The following CDHR1 variants were observed in gnomAD, a reference collection of about 807,000 sequenced individuals.
CDHR1 encodes cadherin-related family member 1.
CDHR1 carries 61 observed loss-of-function variants against 72.1 expected under a neutral mutation model. The observed-to-expected ratio is 0.85, with a 90% CI of 0.69 to 1.05. The LOEUF (loss-of-function observed/expected upper bound fraction) is 1.05, where lower values mean the gene tolerates loss of function less well. Among genes scored for constraint, CDHR1 ranks in the 50% least tolerant of loss-of-function variants. The probability of loss-of-function intolerance (pLI) is 0.00; values close to 1 mark genes in which losing one functional copy is unlikely to be tolerated. For synonymous variants in CDHR1, 470 were observed against 448.1 expected (o/e 1.05, Z -0.62); for missense variants, 1,186 against 1,115.7 (o/e 1.06, Z -0.90).
rs1193671139 is a variant in CDHR1 at position 84,215,003 on chromosome 10, C to G, written c.*382C>G. ...GATCTCATCATCATCCTTAGTCAAG[C>G]AGCAGGGCCCTGGCCACGTGGAGCA... On this transcript the variant is annotated 3_prime_UTR_variant, in exon 17 of 17. Transcript: ENST00000623527. 1.7e-6 allele frequency: 2 copies of G among 1,147,758 alleles called. No homozygotes were observed. Among genetic ancestry groups the G allele is most frequent in the African/African-American group, 3.2e-5 (2 of 62,380 alleles). 71.1% of individuals were successfully genotyped at this position (1,147,758 alleles called of 1,614,324 possible). A position where few individuals can be genotyped will look rare whatever the true frequency, so the allele number is the denominator to read the frequency against.
chr10:84,194,806 C>T lies in CDHR1; in HGVS notation c.46C>T (p.Leu16Phe). Residue 16 changes from leucine to phenylalanine, a missense_variant, in exon 1 of 17, where the codon CTC (leucine) becomes TTC (phenylalanine). Leu to Phe is a conservative substitution (Grantham distance 22). Coordinates refer to ENST00000623527, the MANE Select transcript of CDHR1 (RefSeq NM_033100.4). ...WAALALGLLR[L>F]CLAQANFAPH... ...CGCCCTGGCCCTGGGGCTGCTGCGC[C>T]TCTGCTTGGGTGAGTGGCCGCTGGG... is the stretch of plus-strand genomic sequence containing the variant. 6.5e-7 allele frequency: 1 copy of T among 1,532,718 alleles called. No individual in the cohort carries two copies. The highest frequency in any genetic ancestry group is 8.7e-7 in the Non-Finnish European group (1 of 1,145,938). The allele number at this position is 1,532,718 out of a possible 1,614,324, so 94.9% of individuals were successfully genotyped here.
Position 84,208,325 on chromosome 10 carries a change from C to A in CDHR1, c.1115C>A (p.Pro372His). Residue 372 changes from proline to histidine, a missense_variant, in exon 11 of 17, where the codon CCC becomes CAC. Physicochemically the swap from Pro to His is moderately conservative, Grantham distance 77 (BLOSUM62 -2). Coordinates refer to ENST00000623527, the MANE Select transcript of CDHR1 (RefSeq NM_033100.4). ...RFELSMNEHPPQGEILRGLKI... is the reference protein window; with the variant it reads ...RFELSMNEHPHQGEILRGLKI... Reference sequence around the variant, plus strand: ...GAGCTGTCCATGAATGAGCACCCACCCCAGGGAGAGATCCTGCGGGGCCTC... The same window carrying A: ...GAGCTGTCCATGAATGAGCACCCACACCAGGGAGAGATCCTGCGGGGCCTC... 6.2e-7 allele frequency: 1 copy of A among 1,614,148 alleles called. No individual in the cohort carries two copies. Among genetic ancestry groups the A allele is most frequent in the Non-Finnish European group, 8.5e-7 (1 of 1,180,040 alleles).
chr10:84,219,312 T>G (rs1364649139), downstream of CDHR1: 4 of 1,542,856 alleles, frequency 2.6e-6, no homozygotes, highest in Non-Finnish European at 3.5e-6. Context: ...CCCTAGACCA[T>G]TTTCCCTCTC....
chr10:84,204,487 A>G (rs56780713), intron 8 of CDHR1, 40 bp from the exon 9 acceptor site: 4 of 1,401,008 alleles, frequency 2.9e-6, no homozygotes, highest in South Asian at 2.3e-5. Context: ...GAGGGTCCCC[A>G]TATTGCCCAT....
intron 14 of CDHR1, 123 bp from the exon 15 acceptor site, chr10:84,212,056 T>G (rs1324539198): frequency 1.2e-6 from 1 of 866,686 alleles, no homozygotes; most frequent in Non-Finnish European, 1.9e-6. Flanking sequence ...GGTAGGACAC[T>G]TTGGAGGAGC....
intron 12 of CDHR1, among the ~76,000 whole-genome samples, 161 bp downstream of exon 12, chr10:84,209,042 T>C (rs1475421898): frequency 6.6e-6 from 1 of 152,180 alleles, no homozygotes; most frequent in African/African-American, 2.4e-5. Context: ...TGCTCACAGA[T>C]CCAGCCTCAC....
At chr10:84,194,843 G>A in intron 1 of CDHR1, 28 bp downstream of exon 1, 2 of 1,531,482 alleles carry the variant, frequency 1.3e-6, no homozygotes, top group Non-Finnish European at 1.7e-6. Flanking sequence ...CGCGCTGGCC[G>A]CGTGGATGGC....
At chr10:84,203,491 T>C (rs778135299) in intron 8 of CDHR1, among the ~76,000 whole-genome samples, 5 of 152,174 alleles carry the variant, frequency 3.3e-5, no homozygotes, top group Non-Finnish European at 7.3e-5. Flanking sequence ...CTGGGCTCAC[T>C]GCAACCTCTA....
chr10:84,203,111 G>C lies in CDHR1; in HGVS notation c.771G>C (p.Glu257Asp). ...VGTPYYGYVYEDTLPGSEVLK... is the reference protein window; with the variant it reads ...VGTPYYGYVYDDTLPGSEVLK... ...CACCCTACTATGGCTATGTGTACGA[G>C]GACACCCTTCCGGTGGGTGGCTGTC... is the stretch of plus-strand genomic sequence containing the variant. Residue 257 changes from glutamate (E) to aspartate (D), a missense_variant, in exon 8 of 17, where the codon GAG becomes GAC. Physicochemically the swap from Glu to Asp is conservative, Grantham distance 45. Coordinates refer to ENST00000623527, the MANE Select transcript of CDHR1 (RefSeq NM_033100.4). 6.2e-7 allele frequency: 1 copy of C among 1,614,194 alleles called. No homozygotes were observed. Among genetic ancestry groups the C allele is most frequent in the Non-Finnish European group, 8.5e-7 (1 of 1,180,042 alleles).
chr10:84,215,846 G>A lies in CDHR1; in HGVS notation c.*1225G>A. 1.0e-6 allele frequency: 1 copy of A among 985,516 alleles called. No individual in the cohort carries two copies. The allele number at this position is 985,516 out of a possible 1,614,324, so 61.0% of individuals were successfully genotyped here. A position where few individuals can be genotyped will look rare whatever the true frequency, so the allele number is the denominator to read the frequency against. ...CCGTGACTCACACACCTCTACTTCT[G>A]TTCTTCCCTCACTCCATCCCCGCTA... On this transcript the variant is annotated 3_prime_UTR_variant, in exon 17 of 17. Transcript: ENST00000623527.
chr10:84,219,075 A>G, downstream of CDHR1: 1 of 950,630 alleles, frequency 1.1e-6, no homozygotes, highest in South Asian at 1.6e-5. Context: ...ATTCTATTTT[A>G]TAGGTGAGAA....
Position 84,204,615 on chromosome 10 carries a change from A to T in CDHR1, c.862+10A>T, listed in dbSNP as rs1392976342. The T allele has an allele frequency of 6.2e-7, 1 of 1,605,596 alleles. No homozygotes were observed. Among genetic ancestry groups the T allele is most frequent in the South Asian group, 1.1e-5 (1 of 90,916 alleles). On this transcript the variant is annotated intron_variant, in intron 9 of 16. Transcript: ENST00000623527. ...TACAGCCTTGTAAATGGTGAGTCTG[A>T]GCAGCTTTGGGGGCTGCAGCTTTGA...
Position 84,199,123 on chromosome 10 carries a change from T to C in CDHR1, c.438+2T>C. On this transcript the variant is annotated splice_donor_variant, in intron 5 of 16. Coordinates refer to ENST00000623527, the MANE Select transcript of CDHR1 (RefSeq NM_033100.4). LOFTEE classifies it high-confidence loss of function. ...CCTTATGTTGCCCTGGTTCCCGAGG[T>C]AAGTGAGGAGCTGCTAGAGGGGCTG... 2 of 1,550,676 alleles carry C rather than the reference T, an allele frequency of 1.3e-6. No individual in the cohort carries two copies. The highest frequency in any genetic ancestry group is 1.7e-6 in the Non-Finnish European group (2 of 1,146,740).
rs544304835 is a variant in CDHR1, at chr10:84,203,432, T to G, written c.783+309T>G. The stretch of plus-strand genomic sequence containing the variant: ...CTGATTATTCTTGACTTTTTTTTTT[T>G]GGAAACGGAGTCTCGCTTTGTCGCC... On this transcript the variant is annotated intron_variant, in intron 8 of 16. Transcript: ENST00000623527. Among the ~76,000 whole-genome samples the G allele has an allele frequency of 2.6e-5, 4 of 151,994 alleles. No individual in the cohort carries two copies. The East Asian group carries it at 7.7e-4, about 29-fold the overall frequency.
At position 84,205,826 on chromosome 10, in the gene CDHR1, G is replaced by A. The variant is rs886041900; in HGVS notation, c.863-1G>A. 9.3e-6 allele frequency: 15 copies of A among 1,612,774 alleles called. No individual in the cohort carries two copies. Among genetic ancestry groups the A allele is most frequent in the Middle Eastern group, 1.7e-4 (1 of 6,012 alleles). ...ACTTCAGGGTGCATCTCCCTTGACA[G>A]GGAACGATGGAGCCTTTGAAATTAA... On this transcript the variant is annotated splice_acceptor_variant, in intron 9 of 16. Coordinates refer to ENST00000623527, the MANE Select transcript of CDHR1 (RefSeq NM_033100.4). LOFTEE classifies it high-confidence loss of function.
At chr10:84,213,994 C>T in intron 16 of CDHR1, 88 bp from the exon 17 acceptor site, 1 of 1,571,936 alleles carries the variant, frequency 6.4e-7, no homozygotes, top group Non-Finnish European at 8.7e-7. Context: ...AGTTTAAAAA[C>T]CATTAGGCTT....
At position 84,217,809 on chromosome 10, in the gene CDHR1, G is replaced by A. The variant is rs1842448756; in HGVS notation, c.*3188G>A. 3 of 985,460 alleles carry A rather than the reference G, an allele frequency of 3.0e-6. No individual in the cohort carries two copies. Among genetic ancestry groups the A allele is most frequent in the Non-Finnish European group, 3.6e-6 (3 of 829,948 alleles). The allele number at this position is 985,460 out of a possible 1,614,324, so 61.0% of individuals were successfully genotyped here. A position where few individuals can be genotyped will look rare whatever the true frequency, so the allele number is the denominator to read the frequency against. ...GAGGGGAGTGGAGGACAGGGCAGAT[G>A]CCACAGCATCTGTGGCCTGTGTAGC... On this transcript the variant is annotated 3_prime_UTR_variant, in exon 17 of 17. Coordinates refer to ENST00000623527, the MANE Select transcript of CDHR1 (RefSeq NM_033100.4).
At chr10:84,205,476 C>T (rs997401013) in intron 9 of CDHR1, among the ~76,000 whole-genome samples, 2 of 151,388 alleles carry the variant, frequency 1.3e-5, no homozygotes, top group African/African-American at 4.9e-5. Flanking sequence ...CCATGTCCGT[C>T]TCTCACTGTA....
Position 84,194,721 on chromosome 10 carries a change from G to A in CDHR1, c.-40G>A. ...GGCATGCTCCGTGCCCCTGCGCCCG[G>A]TCTCGGCGGCGGCAGGCGACACTCC... On this transcript the variant is annotated 5_prime_UTR_variant, in exon 1 of 17. Transcript: ENST00000623527. 6.9e-7 allele frequency: 1 copy of A among 1,457,844 alleles called. No individual in the cohort carries two copies. Among genetic ancestry groups the A allele is most frequent in the Non-Finnish European group, 9.0e-7 (1 of 1,115,254 alleles). 90.3% of individuals were successfully genotyped at this position (1,457,844 alleles called of 1,614,324 possible).
Sources: gnomAD v4.1 joint callset for allele counts (sites outside exome capture counted in the v4.1 genomes callset) on GRCh38, gnomAD v4.1.1 for gene constraint, MANE v1.5 for transcripts, NCBI Gene and HGNC (gene_info 2026-07-23, HGNC 2026-07-21) for gene names.